Variants in RAPGEF4 observed in about 807,000 individuals in gnomAD.
RAPGEF4 encodes the protein RAP guanine-nucleotide-exchange factor (GEF) 4.
A neutral mutation model predicts 147.9 loss-of-function variants in RAPGEF4; 66 were observed. The ratio of observed to expected loss-of-function variants is 0.45; its 90% CI spans 0.37 to 0.55. The LOEUF (loss-of-function observed/expected upper bound fraction) is 0.55. RAPGEF4 is among the 20% of genes least tolerant of loss of function. The pLI, the probability that RAPGEF4 is intolerant of heterozygous loss-of-function variation, is 0.00. For synonymous variants in RAPGEF4, 419 were observed against 442.7 expected (o/e 0.95, Z 0.67); for missense variants, 1,071 against 1,257.3 (o/e 0.85, Z 2.24).
intron 4 of RAPGEF4, among the ~76,000 whole-genome samples, chr2:172,870,059 C>T (rs891955225): frequency 3.3e-5 from 5 of 152,214 alleles, no homozygotes; most frequent in African/African-American, 1.2e-4. Flanking sequence ...TGAGTCATCT[C>T]CTCATTCCCG....
intron 1 of RAPGEF4, among the ~76,000 whole-genome samples, chr2:172,765,865 T>TG (rs1255074880): frequency 6.6e-6 from 1 of 152,194 alleles, no homozygotes; most frequent in Non-Finnish European, 1.5e-5. Context: ...AATCTGCATA[T>TG]TGCAAAGGGA....
At chr2:173,011,147 C>T (rs1694961141) in intron 17 of RAPGEF4, among the ~76,000 whole-genome samples, 1 of 146,112 alleles carries the variant, frequency 6.8e-6, no homozygotes, top group African/African-American at 2.5e-5. Flanking sequence ...GCTGCGGGAA[C>T]CTTGGAACTT....
At chr2:172,925,799 A>G (rs1440700967) in intron 6 of RAPGEF4, among the ~76,000 whole-genome samples, 94 of 131,900 alleles carry the variant, frequency 7.1e-4, no homozygotes, top group African/African-American at 1.9e-3. Flanking sequence ...GAGAGAGAGA[A>G]AGAAAGAAAG....
chr2:173,024,497 G>C (rs1196839888), intron 23 of RAPGEF4, among the ~76,000 whole-genome samples: 1 of 140,690 alleles, frequency 7.1e-6, no homozygotes, highest in Non-Finnish European at 1.6e-5. Flanking sequence ...GATTACAGGC[G>C]TGAGCCACCG....
intron 1 of RAPGEF4, among the ~76,000 whole-genome samples, chr2:172,771,578 C>A (rs1163005247): frequency 6.6e-6 from 1 of 151,892 alleles, no homozygotes; most frequent in African/African-American, 2.4e-5. Context: ...AAAAGACAAA[C>A]TCTCGTAAGT....
In RAPGEF4 at chr2:173,014,563, C is replaced by A; in HGVS notation, c.1758C>A (p.Ala586=). ...TCCGCCTGGTTCTACAGTGGGCTGC[C>A]ATGTATGGAGACCTCCTGCAAGAGG... The part of the protein sequence containing the change: ...RVIRLVLQWA[A]MYGDLLQEDD... The change falls in exon 18 of 31, where the codon GCC becomes GCA. Residue 586 remains alanine (A), a synonymous_variant. Coordinates refer to ENST00000397081, the MANE Select transcript of RAPGEF4 (RefSeq NM_007023.4). 1.9e-6 allele frequency: 3 copies of A among 1,614,118 alleles called. No individual in the cohort carries two copies. Among genetic ancestry groups the A allele is most frequent in the Non-Finnish European group, 2.5e-6 (3 of 1,179,986 alleles).
chr2:172,865,542 C>G (rs1413561676), intron 4 of RAPGEF4, among the ~76,000 whole-genome samples: 1 of 152,164 alleles, frequency 6.6e-6, no homozygotes, highest in African/African-American at 2.4e-5. Context: ...CTTTACATGT[C>G]TTTCTTCCCA....
intron 3 of RAPGEF4, among the ~76,000 whole-genome samples, chr2:172,804,448 C>T (rs1687282953): frequency 6.6e-6 from 1 of 152,186 alleles, no homozygotes. Flanking sequence ...CAGAGCATTT[C>T]AGGAACTTTC....
At chr2:172,914,581 G>A (rs1386048961) in intron 4 of RAPGEF4, among the ~76,000 whole-genome samples, 1 of 151,462 alleles carries the variant, frequency 6.6e-6, no homozygotes, top group Non-Finnish European at 1.5e-5. Context: ...AAGGGAAGGA[G>A]GGAGGGAGGA....
At chr2:172,964,922 T>C (rs73015686) in intron 8 of RAPGEF4, among the ~76,000 whole-genome samples, 117 of 152,280 alleles carry the variant, frequency 7.7e-4, no homozygotes, top group African/African-American at 2.6e-3. Context: ...TGTGTGAATA[T>C]ACAGGAAGCC....
At position 173,042,363 on chromosome 2, in the gene RAPGEF4, G is replaced by A. The variant is rs1437428036; in HGVS notation, c.2853+5671G>A. ...AAATTGGATGAATCAACTGGGCACA[G>A]TGGCTCACGCCTGTAATCCCAGCAC... On this transcript the variant is annotated intron_variant, in intron 29 of 30. Transcript: ENST00000397081. The surrounding 1 kb of genome is among the most constrained non-coding windows in gnomAD (Gnocchi z 4.2). Among the ~76,000 whole-genome samples the A allele has an allele frequency of 6.6e-6, 1 of 152,268 alleles. No homozygotes were observed. The highest frequency in any genetic ancestry group is 1.5e-5 in the Non-Finnish European group (1 of 68,048).
chr2:172,839,071 C>T (rs560124983), intron 4 of RAPGEF4, among the ~76,000 whole-genome samples: 1 of 152,144 alleles, frequency 6.6e-6, no homozygotes, highest in East Asian at 1.9e-4. Context: ...ACACTCAGGA[C>T]CTCCATTTAT....
chr2:172,938,628 A>AC (rs1686842870), intron 6 of RAPGEF4, among the ~76,000 whole-genome samples: 1 of 152,168 alleles, frequency 6.6e-6, no homozygotes, highest in Non-Finnish European at 1.5e-5. Context: ...TTATACAGTC[A>AC]AATTATTTTG....
At chr2:172,784,668 TTAA>T (rs1267355225) in intron 1 of RAPGEF4, among the ~76,000 whole-genome samples, 4 of 152,156 alleles carry the variant, frequency 2.6e-5, no homozygotes, top group Admixed American at 1.3e-4. Context: ...TTCTAAGTGG[TTAA>T]TAATCATATA....
intron 16 of RAPGEF4, among the ~76,000 whole-genome samples, chr2:172,997,655 T>A (rs1693502312): frequency 6.6e-6 from 1 of 152,144 alleles, no homozygotes. Context: ...GTTTTTTTTT[T>A]AATCCTATGC....
At chr2:172,929,322 A>G (rs930547512) in intron 6 of RAPGEF4, among the ~76,000 whole-genome samples, 1 of 152,252 alleles carries the variant, frequency 6.6e-6, no homozygotes, top group African/African-American at 2.4e-5. Flanking sequence ...CAGATATTAA[A>G]TATTCCGTAG....
intron 6 of RAPGEF4, among the ~76,000 whole-genome samples, chr2:172,954,079 T>A (rs951621660): frequency 1.3e-5 from 2 of 152,148 alleles, no homozygotes; most frequent in Non-Finnish European, 2.9e-5. Context: ...CTTTTTTGGC[T>A]CTTCATGAGG....
In RAPGEF4 at chr2:172,988,198, T is replaced by G; in HGVS notation, c.1153T>G (p.Phe385Val). The G allele has an allele frequency of 6.2e-7, 1 of 1,604,582 alleles. No individual in the cohort carries two copies. The highest frequency in any genetic ancestry group is 8.5e-7 in the Non-Finnish European group (1 of 1,177,766). ...ESHAKGGTVL[F>V]NQGEEGTSWY... ...TCTTTTCATCTTTTTGTGTCTAGTG[T>G]TTAACCAGGGGGAAGAAGGTACCTC... The change falls in exon 13 of 31, where the codon TTT (phenylalanine) becomes GTT (valine). Residue 385 changes from phenylalanine (F) to valine (V), a missense_variant and splice_region_variant. By Grantham distance (50) the Phe-to-Val change is conservative. Transcript: ENST00000397081.
chr2:172,915,927 C>T (rs1043224711), intron 4 of RAPGEF4, among the ~76,000 whole-genome samples: 6 of 151,964 alleles, frequency 3.9e-5, no homozygotes, highest in Admixed American at 3.3e-4. Context: ...GACATAGTTC[C>T]CTGTGTTGAA....
Sources: allele counts gnomAD v4.1 joint callset (sites outside exome capture counted in the v4.1 genomes callset), GRCh38; gene constraint gnomAD v4.1.1; non-coding constraint Gnocchi (gnomAD v3.1); transcripts MANE v1.5; gene names NCBI Gene and HGNC (gene_info 2026-07-23, HGNC 2026-07-21).